Variants in PCDHGA2 observed in about 807,000 individuals in gnomAD.
PCDHGA2 encodes protocadherin gamma subfamily A, 2.
A neutral mutation model predicts 59.2 loss-of-function variants in PCDHGA2; 40 were observed. The ratio of observed to expected loss-of-function variants is 0.68; its 90% CI spans 0.52 to 0.88. The LOEUF (loss-of-function observed/expected upper bound fraction) is 0.88, where lower values mean the gene tolerates loss of function less well. Ranked by LOEUF, PCDHGA2 falls within the 40% of genes least tolerant of loss-of-function variation. The pLI is 0.00. For synonymous variants in PCDHGA2, 560 were observed against 526.0 expected (o/e 1.06, Z -0.89); for missense variants, 1,226 against 1,204.0 (o/e 1.02, Z -0.27).
rs778927487 is a variant in PCDHGA2, at chr5:141,364,377, C to A, written c.2424+22982C>A. On this transcript the variant is annotated intron_variant, in intron 1 of 3. Transcript: ENST00000394576. ...TGGGGCTGCGGAGAGCTGCTGCTGC[C>A]CTTCATGCTCCTGGGGACGCTGTGC... is the stretch of plus-strand genomic sequence containing the variant. 6.3e-6 allele frequency: 10 copies of A among 1,577,000 alleles called. No individual in the cohort carries two copies. In the South Asian group the frequency reaches 7.0e-5, roughly 11 times the overall value.
At chr5:141,384,371 T>G (rs1780015620) in intron 1 of PCDHGA2, 2 of 1,613,920 alleles carry the variant, frequency 1.2e-6, no homozygotes, top group Non-Finnish European at 1.7e-6. Context: ...ACTTATTCCT[T>G]GGCCGAAGAC....
intron 1 of PCDHGA2, among the ~76,000 whole-genome samples, chr5:141,448,214 G>A (rs2098576063): frequency 6.6e-6 from 1 of 152,092 alleles, no homozygotes; most frequent in Non-Finnish European, 1.5e-5. Context: ...CTGTGTGTAT[G>A]CGAATGTATG....
At chr5:141,393,579 C>T (rs2092799952) in intron 1 of PCDHGA2, 2 of 1,613,888 alleles carry the variant, frequency 1.2e-6, no homozygotes, top group Non-Finnish European at 1.7e-6. Context: ...TGAGAACATG[C>T]CCCCAGGCAC....
chr5:141,361,999 C>T, intron 1 of PCDHGA2: 2 of 1,603,024 alleles, frequency 1.2e-6, no homozygotes, highest in East Asian at 2.2e-5. Context: ...CCTGGGGTTG[C>T]GCACGGGTGA....
At chr5:141,394,852 C>T in intron 1 of PCDHGA2, 1 of 1,613,838 alleles carries the variant, frequency 6.2e-7, no homozygotes, top group Non-Finnish European at 8.5e-7. Flanking sequence ...AGTCTGAAGC[C>T]TTCGGTCGAC....
intron 1 of PCDHGA2, chr5:141,385,214 A>C: frequency 6.2e-7 from 1 of 1,614,200 alleles, no homozygotes; most frequent in Non-Finnish European, 8.5e-7. Flanking sequence ...ATCTTCCCCC[A>C]GCCCAACTAT....
chr5:141,362,432 A>G (rs776686357), intron 1 of PCDHGA2: 16 of 1,613,806 alleles, frequency 9.9e-6, no homozygotes, highest in African/African-American at 2.7e-5. Flanking sequence ...ACAGAGTTCA[A>G]TTTTCTGAAC....
chr5:141,472,145 A>C (rs1376068421), intron 1 of PCDHGA2, among the ~76,000 whole-genome samples: 1 of 152,244 alleles, frequency 6.6e-6, no homozygotes, highest in Non-Finnish European at 1.5e-5. Context: ...TAAAAGTTTC[A>C]TGGTTACATA....
intron 1 of PCDHGA2, among the ~76,000 whole-genome samples, chr5:141,430,398 C>T (rs2097281985): frequency 6.7e-6 from 1 of 150,224 alleles, no homozygotes. Flanking sequence ...AAAAAAAAAG[C>T]TCACTAAAGT....
rs756857668 is a variant in PCDHGA2, at chr5:141,389,399, A to C, written c.2424+48004A>C. ...GGGAGCTGTCATCCTACGTGTCCAT[A>C]AGCGCGGAGAGCGGGGTGGTGTTCG... On this transcript the variant is annotated intron_variant, in intron 1 of 3. Coordinates refer to ENST00000394576, the MANE Select transcript of PCDHGA2 (RefSeq NM_018915.4). 67 of 1,613,528 alleles carry C rather than the reference A, an allele frequency of 4.2e-5. 1 individual carries two copies. Among genetic ancestry groups the C allele is most frequent in the South Asian group, 5.5e-5 (5 of 91,094 alleles).
At position 141,477,369 on chromosome 5, in the gene PCDHGA2, A is replaced by G; in HGVS notation, c.2425-17438A>G. The G allele has an allele frequency of 6.2e-7, 1 of 1,614,164 alleles. No individual in the cohort carries two copies. Among genetic ancestry groups the G allele is most frequent in the Non-Finnish European group, 8.5e-7 (1 of 1,180,026 alleles). ...AAAACCAGTGCAGACCTGGATCGGG[A>G]GACTGTGCCAGAATACAACCTCAGC... On this transcript the variant is annotated intron_variant, in intron 1 of 3. Transcript: ENST00000394576. The surrounding 1 kb of genome is among the most constrained non-coding windows in gnomAD (Gnocchi z 4.9).
At position 141,419,169 on chromosome 5, in the gene PCDHGA2, C is replaced by T. The variant is rs746258255; in HGVS notation, c.2425-75638C>T. 73 of 1,613,970 alleles carry T rather than the reference C, an allele frequency of 4.5e-5. No homozygotes were observed. The highest frequency in any genetic ancestry group is 3.3e-4 in the Middle Eastern group (2 of 6,062). The stretch of plus-strand genomic sequence containing the variant: ...AAGCCTCCGTTATCCTCCAGCAAAA[C>T]CATAACCCTGCACATTACTGACGTC... On this transcript the variant is annotated intron_variant, in intron 1 of 3. Coordinates refer to ENST00000394576, the MANE Select transcript of PCDHGA2 (RefSeq NM_018915.4).
chr5:141,386,521 A>AG (rs1458324675), intron 1 of PCDHGA2, among the ~76,000 whole-genome samples: 1 of 232 alleles, frequency 4.3e-3, no homozygotes, highest in Non-Finnish European at 0.011. Context: ...TCAAAAAAAG[A>AG]CTCTTTTTAG....
intron 3 of PCDHGA2, 146 bp from the exon 4 acceptor site, chr5:141,510,801 A>G: frequency 6.7e-7 from 1 of 1,489,832 alleles, no homozygotes; most frequent in Non-Finnish European, 9.1e-7. Flanking sequence ...AAGAGAGACT[A>G]CCTTGGTGAC....
Position 141,383,013 on chromosome 5 carries a change from G to A in PCDHGA2, c.2424+41618G>A, listed in dbSNP as rs1209966350. Reference sequence around the variant, plus strand: ...GTATTCTCTACTCCGTGTCGGAGGAGACGGACAAAGGGTCCTTTGTGGGAG... The same window carrying A: ...GTATTCTCTACTCCGTGTCGGAGGAAACGGACAAAGGGTCCTTTGTGGGAG... On this transcript the variant is annotated intron_variant, in intron 1 of 3. Coordinates refer to ENST00000394576, the MANE Select transcript of PCDHGA2 (RefSeq NM_018915.4). 6 of 1,613,828 alleles carry A rather than the reference G, an allele frequency of 3.7e-6. No individual in the cohort carries two copies. The East Asian group carries it at 6.7e-5, about 18-fold the overall frequency.
At chr5:141,420,256 TAAG>T (rs749213635) in intron 1 of PCDHGA2, 12 of 1,569,010 alleles carry the variant, frequency 7.6e-6, no homozygotes, top group South Asian at 1.2e-5. Context: ...TTGAAGCAGA[TAAG>T]AAGATTCTTA....
intron 1 of PCDHGA2, among the ~76,000 whole-genome samples, chr5:141,465,905 G>A (rs938438286): frequency 6.6e-6 from 1 of 151,958 alleles, no homozygotes; most frequent in Admixed American, 6.6e-5. Flanking sequence ...GGCAAATCAC[G>A]AGGTCAGGAT....
intron 1 of PCDHGA2, chr5:141,399,574 G>C (rs1191176960): frequency 6.2e-7 from 1 of 1,614,046 alleles, no homozygotes; most frequent in Middle Eastern, 1.6e-4. Flanking sequence ...GAACGGCCAA[G>C]TCTCCTACTC....
At chr5:141,367,112 C>A in intron 1 of PCDHGA2, 1 of 221,126 alleles carries the variant, frequency 4.5e-6, no homozygotes. Context: ...GCCTAGACAC[C>A]ATTAGTGAAT....
Sources: allele counts gnomAD v4.1 joint callset (sites outside exome capture counted in the v4.1 genomes callset), GRCh38; gene constraint gnomAD v4.1.1; non-coding constraint Gnocchi (gnomAD v3.1); transcripts MANE v1.5; gene names NCBI Gene and HGNC (gene_info 2026-07-23, HGNC 2026-07-21).